Variants in LILRA6 observed in about 807,000 individuals in gnomAD.
LILRA6 encodes leukocyte immunoglobulin-like receptor subfamily A member 6.
Under a neutral mutation model 53.9 loss-of-function variants are expected in LILRA6, and 16 were observed. That is an observed-to-expected ratio of 0.30 (90% CI 0.20 to 0.45). The LOEUF (loss-of-function observed/expected upper bound fraction) is 0.45, where lower values mean the gene tolerates loss of function less well. Ranked by LOEUF, LILRA6 falls within the 20% of genes least tolerant of loss-of-function variation. The pLI is 1.00. For synonymous variants in LILRA6, 135 were observed against 256.4 expected, an observed-to-expected ratio of 0.53 and a Z score of 4.52; for missense variants, 306 against 618.6, an observed-to-expected ratio of 0.49 and a Z score of 5.36.
chr19:54,240,899 C>A (rs778296665), exon 5 of LILRA6: 1 of 1,613,990 alleles, frequency 6.2e-7, no homozygotes, highest in African/African-American at 1.3e-5. Context: ...TGCACCATAG[C>A]ACCTGTACTG....
At chr19:54,240,801 G>C (rs1441212743) in intron 5 of LILRA6, 30 bp downstream of exon 5, 1 of 1,612,464 alleles carries the variant, frequency 6.2e-7, no homozygotes, top group Non-Finnish European at 8.5e-7. Flanking sequence ...CAGAGCCTGG[G>C]TCCCTGACTG....
chr19:54,242,533 G>A, exon 2 of LILRA6: 1 of 1,081,518 alleles, frequency 9.2e-7, no homozygotes, highest in Non-Finnish European at 1.3e-6. Flanking sequence ...CTGCACGTGG[G>A]TCCTGGGGCC....
intron 7 of LILRA6, chr19:54,239,478 C>G (rs2147510184): frequency 1.6e-6 from 1 of 631,764 alleles, no homozygotes; most frequent in South Asian, 2.2e-5. Context: ...TTCCTCCCTC[C>G]CATGGGCTGG....
downstream of LILRA6, chr19:54,237,644 G>T (rs1170938969): frequency 6.6e-6 from 1 of 150,954 alleles, no homozygotes; most frequent in Non-Finnish European, 1.5e-5. Flanking sequence ...CACTATTTTG[G>T]ATTACATAAT....
At chr19:54,237,769 A>G (rs1851761463), downstream of LILRA6, 1 of 150,858 alleles carries the variant, frequency 6.6e-6, no homozygotes, top group South Asian at 2.1e-4. Context: ...TCTTTACTCA[A>G]CATCATGATG....
exon 5 of LILRA6, chr19:54,241,039 G>A (rs374091124): frequency 1.1e-4 from 185 of 1,612,552 alleles, no homozygotes; most frequent in Non-Finnish European, 1.4e-4. Context: ...TGTCGTAGCC[G>A]ACATCAGAGC....
At chr19:54,237,120 T>C (rs2078650047), downstream of LILRA6, 1 of 150,854 alleles carries the variant, frequency 6.6e-6, no homozygotes, top group Non-Finnish European at 1.5e-5. Flanking sequence ...CCCAGCACTA[T>C]GGAAAGCCGA....
chr19:54,239,620 C>G (rs2078692810), intron 7 of LILRA6: 1 of 1,065,412 alleles, frequency 9.4e-7, no homozygotes, highest in Non-Finnish European at 1.3e-6. Context: ...CAGGGAGTCA[C>G]TGGCCTGACC....
rs186591598 is a variant in LILRA6 at position 54,239,481 on chromosome 19, T to C, written c.1310-392A>G. The C allele has an allele frequency of 3.0e-4, 190 of 630,022 alleles. 11 individuals are homozygous for C. The African/African-American group carries it at 3.2e-3, about 11-fold the overall frequency. The allele number at this position is 630,022 out of a possible 1,614,324, so 39.0% of individuals were successfully genotyped here. ...CTCCTGAGCCATTTCCTCCCTCCCA[T>C]GGGCTGGATTCTCCACCTTCACTCC... is the stretch of plus-strand genomic sequence containing the variant. On this transcript the variant is annotated intron_variant, in intron 7 of 7. Coordinates refer to ENST00000396365, the Ensembl canonical transcript of LILRA6.
chr19:54,239,081 C>G (rs375614452), exon 8 of LILRA6: 10 of 1,611,034 alleles, frequency 6.2e-6, no homozygotes, highest in East Asian at 2.2e-5. Context: ...TAATCCTTGG[C>G]GTGTGAGGCT....
chr19:54,239,799 T>TG, intron 7 of LILRA6, 102 bp downstream of exon 7: 1 of 1,550,690 alleles, frequency 6.4e-7, no homozygotes, highest in South Asian at 1.2e-5. Flanking sequence ...TCAGAGCCCC[T>TG]GGGACACAAG....
At chr19:54,238,924 G>A (rs200850046) in exon 8 of LILRA6, 12 of 1,606,682 alleles carry the variant, frequency 7.5e-6, no homozygotes, top group African/African-American at 4.1e-5. Flanking sequence ...GCTCCACCAC[G>A]CTGAAGGGTG....
rs771241890 is a variant in LILRA6, at chr19:54,240,320, G to A, written c.1212C>T (p.Pro404=). The A allele has an allele frequency of 1.7e-5, 28 of 1,603,340 alleles. No individual in the cohort carries two copies. In the African/African-American group the frequency reaches 2.0e-4, roughly 12 times the overall value. Residue 404 remains proline (P), a synonymous_variant, in exon 6 of 8, where the codon CCC becomes CCT. Transcript: ENST00000396365. ...GCTCACTGGGGAAAGACAGCAGGTG[G>A]GGGTTGGAGCTGTATGAGCCGTAGC... is the stretch of plus-strand genomic sequence containing the variant.
chr19:54,240,919 G>C, exon 5 of LILRA6: 4 of 1,614,110 alleles, frequency 2.5e-6, no homozygotes, highest in Non-Finnish European at 3.4e-6. Flanking sequence ...GGCCCCCGTG[G>C]GAGGGGCTCA....
intron 7 of LILRA6, chr19:54,239,467 T>G (rs1222499862): frequency 1.6e-6 from 1 of 623,372 alleles, no homozygotes; most frequent in Non-Finnish European, 2.7e-6. Context: ...TCCTGAGCCA[T>G]TTCCTCCCTC....
rs10403230 is a variant in LILRA6 at position 54,239,871 on chromosome 19, G to T, written c.1309+30C>A. On this transcript the variant is annotated intron_variant, in intron 7 of 7. Coordinates refer to ENST00000396365, the Ensembl canonical transcript of LILRA6. The stretch of plus-strand genomic sequence containing the variant: ...AGACTCAGACTGCCCTGGGGGAGGC[G>T]GCGCTCCCCACGAGGCCTCAGTGAC... 3.4e-4 allele frequency: 517 copies of T among 1,541,580 alleles called. No individual in the cohort carries two copies. The Admixed American group carries it at 9.6e-3, about 29-fold the overall frequency.
In LILRA6 at chr19:54,239,308, C is replaced by T. The variant is rs558976605; in HGVS notation, c.1310-219G>A. On this transcript the variant is annotated intron_variant, in intron 7 of 7. Coordinates refer to ENST00000396365, the Ensembl canonical transcript of LILRA6. ...GGAGAGCCCTGAGCCAGCCTCTCCC[C>T]TGGGCTCTGCGTTCTTATTCTTCCA... The T allele has an allele frequency of 3.4e-5, 47 of 1,398,632 alleles. 4 individuals are homozygous for T. The African/African-American group carries it at 6.7e-4, about 20-fold the overall frequency. 86.6% of individuals were successfully genotyped at this position (1,398,632 alleles called of 1,614,324 possible).
rs542023207 is a variant in LILRA6, at chr19:54,241,711, C to T, written c.523G>A (p.Gly175Arg). 8.8e-6 allele frequency: 13 copies of T among 1,483,430 alleles called. 3 individuals are homozygous for T. Among genetic ancestry groups the T allele is most frequent in the Non-Finnish European group, 1.2e-5 (13 of 1,100,670 alleles). The allele number at this position is 1,483,430 out of a possible 1,614,324, so 91.9% of individuals were successfully genotyped here. ...ACAGGGAACAGGGCCTGGAACCCCC[C>T]ACTGTGGAGCTGCTGTGAGTCCAGG... The change falls in exon 4 of 8, where the codon GGG (glycine) becomes AGG (arginine). Residue 175 changes from glycine (G) to arginine (R), a missense_variant. Around this residue, in one of 9 missense-constraint regions of LILRA6, gnomAD observed 11 missense variants for 52.5 expected, o/e 0.21. Coordinates refer to ENST00000396365, the Ensembl canonical transcript of LILRA6.
intron 5 of LILRA6, 36 bp downstream of exon 5, chr19:54,240,795 G>T (rs750950987): frequency 2.5e-6 from 4 of 1,612,114 alleles, no homozygotes; most frequent in Admixed American, 1.7e-5. Context: ...CCTGTGCAGA[G>T]CCTGGGTCCC....
Sources: allele counts gnomAD v4.1 joint callset, GRCh38; gene constraint gnomAD v4.1.1; regional missense constraint gnomAD v4.1.1; transcripts MANE v1.5; gene names NCBI Gene and HGNC (gene_info 2026-07-23, HGNC 2026-07-21).